The following NOS1AP variants were observed in gnomAD, a reference collection of about 807,000 sequenced individuals.
The protein encoded by NOS1AP is carboxyl-terminal PDZ ligand of neuronal nitric oxide synthase protein.
In NOS1AP, 21 loss-of-function variants were observed where a neutral mutation model predicts 56.2. The ratio of observed to expected loss-of-function variants is 0.37; its 90% confidence interval spans 0.26 to 0.54. The LOEUF is 0.54. Among genes scored for constraint, NOS1AP ranks in the 20% least tolerant of loss-of-function variants. NOS1AP has a pLI of 0.84. For synonymous variants in NOS1AP, 270 were observed against 274.6 expected (o/e 0.98, Z 0.17); for missense variants, 522 against 657.8 (o/e 0.79, Z 2.26).
intron 1 of NOS1AP, among the ~76,000 whole-genome samples, chr1:162,102,933 T>C (rs1647345597): frequency 6.6e-6 from 1 of 152,114 alleles, no homozygotes; most frequent in African/African-American, 2.4e-5. Context: ...CTATCTTCTT[T>C]GGTTCTGCTC....
intron 3 of NOS1AP, among the ~76,000 whole-genome samples, chr1:162,289,149 A>G (rs941920308): frequency 2.6e-5 from 4 of 151,600 alleles, no homozygotes; most frequent in Admixed American, 6.6e-5. Flanking sequence ...CCACCACCCC[A>G]CTACACATCC....
At position 162,149,101 on chromosome 1, in the gene NOS1AP, T is replaced by G. The variant is rs375308596; in HGVS notation, c.106-5304T>G. On this transcript the variant is annotated intron_variant, in intron 1 of 9. Coordinates refer to ENST00000361897, the MANE Select transcript of NOS1AP (RefSeq NM_014697.3). ...AATATATTCCTCCAATTCCCAGGCATCAGGCCAACCCAGCTCCATTGCCCT... is the reference window on the plus strand; with the variant it reads ...AATATATTCCTCCAATTCCCAGGCAGCAGGCCAACCCAGCTCCATTGCCCT... 2.6e-5 allele frequency among the ~76,000 whole-genome samples: 4 copies of G among 152,202 alleles called. No individual in the cohort carries two copies. In the East Asian group the frequency reaches 7.7e-4, roughly 29 times the overall value.
chr1:162,270,701 T>A (rs934218020), intron 2 of NOS1AP, among the ~76,000 whole-genome samples: 6 of 152,242 alleles, frequency 3.9e-5, no homozygotes, highest in African/African-American at 1.4e-4. Context: ...ACTGTGCAAT[T>A]GAAATATTGT....
intron 2 of NOS1AP, among the ~76,000 whole-genome samples, chr1:162,282,671 G>A (rs1654967213): frequency 6.6e-6 from 1 of 152,204 alleles, no homozygotes; most frequent in South Asian, 2.1e-4. Flanking sequence ...TCCTGAAACC[G>A]AGACTATAGA....
At chr1:162,329,769 A>T (rs778742771) in intron 4 of NOS1AP, among the ~76,000 whole-genome samples, 1 of 152,218 alleles carries the variant, frequency 6.6e-6, no homozygotes, top group Non-Finnish European at 1.5e-5. Context: ...TAGTTTGTTG[A>T]TGAATGAGGT....
intron 4 of NOS1AP, among the ~76,000 whole-genome samples, chr1:162,328,975 TACCTATAG>T (rs1383209947): frequency 6.6e-6 from 1 of 152,206 alleles, no homozygotes; most frequent in African/African-American, 2.4e-5. Flanking sequence ...GAAGCGAGTT[TACCTATAG>T]ATGAATAGTT....
intron 2 of NOS1AP, among the ~76,000 whole-genome samples, chr1:162,242,601 G>A (rs530283780): frequency 5.3e-5 from 8 of 152,124 alleles, no homozygotes; most frequent in Non-Finnish European, 1.2e-4. Context: ...GTAACTGCAC[G>A]CAAAACCCCA....
intron 1 of NOS1AP, among the ~76,000 whole-genome samples, chr1:162,114,443 G>T (rs941464750): frequency 6.6e-6 from 1 of 151,982 alleles, no homozygotes; most frequent in Admixed American, 6.5e-5. Context: ...ATTGAATCAG[G>T]CTCACATATA....
chr1:162,189,387 A>G (rs1284247157), intron 2 of NOS1AP, among the ~76,000 whole-genome samples: 2 of 152,236 alleles, frequency 1.3e-5, no homozygotes, highest in Admixed American at 1.3e-4. Context: ...TTTTGTTAGT[A>G]GTCTGTTAAT....
At chr1:162,240,244 A>AGCGT (rs373369196) in intron 2 of NOS1AP, among the ~76,000 whole-genome samples, 87 of 141,302 alleles carry the variant, frequency 6.2e-4, no homozygotes, top group African/African-American at 2.1e-3. Context: ...CTGTGTGGCC[A>AGCGT]GTGTGTGTGT....
chr1:162,076,104 C>T (rs920446230), intron 1 of NOS1AP, among the ~76,000 whole-genome samples: 4 of 152,160 alleles, frequency 2.6e-5, no homozygotes, highest in Non-Finnish European at 5.9e-5. Context: ...TGCAGCTACT[C>T]CCAAGACTCA....
chr1:162,173,232 G>T (rs1264361618), intron 2 of NOS1AP, among the ~76,000 whole-genome samples: 1 of 152,140 alleles, frequency 6.6e-6, no homozygotes, highest in African/African-American at 2.4e-5. Flanking sequence ...CTGATCTCAG[G>T]TGATCTGCCT....
intron 2 of NOS1AP, among the ~76,000 whole-genome samples, chr1:162,280,766 A>G (rs927895260): frequency 5.9e-5 from 9 of 152,210 alleles, no homozygotes; most frequent in African/African-American, 2.2e-4. Flanking sequence ...ATCTATTGCA[A>G]AAATAAGTCA....
chr1:162,313,405 A>G (rs1431510084), intron 4 of NOS1AP, among the ~76,000 whole-genome samples: 1 of 152,192 alleles, frequency 6.6e-6, no homozygotes, highest in East Asian at 1.9e-4. Flanking sequence ...TGACACTCGG[A>G]TATTCTTTCA....
intron 1 of NOS1AP, among the ~76,000 whole-genome samples, chr1:162,086,850 GTTGAACTAGC>G (rs1318676441): frequency 6.6e-6 from 1 of 152,134 alleles, no homozygotes; most frequent in Non-Finnish European, 1.5e-5. Context: ...TTTTACTAAA[GTTGAACTAGC>G]TTGTGGCCTG....
At chr1:162,073,031 G>A (rs540618457) in intron 1 of NOS1AP, among the ~76,000 whole-genome samples, 6 of 152,234 alleles carry the variant, frequency 3.9e-5, no homozygotes, top group African/African-American at 1.4e-4. Flanking sequence ...TCATTTTCAG[G>A]GTTCTGCAGA....
intron 4 of NOS1AP, among the ~76,000 whole-genome samples, chr1:162,310,087 T>G (rs775398852): frequency 3.3e-5 from 5 of 150,086 alleles, no homozygotes; most frequent in Non-Finnish European, 7.4e-5. Context: ...CAGAGATGAC[T>G]CTATATCTTC....
intron 2 of NOS1AP, among the ~76,000 whole-genome samples, chr1:162,174,680 G>C (rs1650977867): frequency 6.6e-6 from 1 of 152,166 alleles, no homozygotes; most frequent in Non-Finnish European, 1.5e-5. Context: ...CCTATTATCA[G>C]CATCTAATGT....
intron 2 of NOS1AP, among the ~76,000 whole-genome samples, chr1:162,161,219 G>A (rs952129918): frequency 6.6e-6 from 1 of 152,156 alleles, no homozygotes; most frequent in African/African-American, 2.4e-5. Flanking sequence ...CCTGCAAAGT[G>A]CCCTTTGTCA....
Sources: allele counts gnomAD v4.1 joint callset (sites outside exome capture counted in the v4.1 genomes callset), GRCh38; gene constraint gnomAD v4.1.1; transcripts MANE v1.5; gene names NCBI Gene and HGNC (gene_info 2026-07-23, HGNC 2026-07-21).